NYNRIN: variants seen among roughly 807,000 people sequenced by gnomAD.
NYNRIN encodes the protein protein NYNRIN.
Under a neutral mutation model 146.6 loss-of-function variants are expected in NYNRIN, and 86 were observed. The observed-to-expected ratio is 0.59, with a 90% CI of 0.49 to 0.70. The LOEUF (loss-of-function observed/expected upper bound fraction) is 0.70, where lower values mean the gene tolerates loss of function less well. Among genes scored for constraint, NYNRIN ranks in the 30% least tolerant of loss-of-function variants. The pLI is 0.00. For synonymous variants in NYNRIN, 1,027 were observed against 1,001.3 expected, an observed-to-expected ratio of 1.03 and a Z score of -0.48; for missense variants, 2,191 against 2,377.7, an observed-to-expected ratio of 0.92 and a Z score of 1.63.
At chr14:24,413,818 G>A (rs556499216) in intron 8 of NYNRIN, among the ~76,000 whole-genome samples, 1 of 152,298 alleles carries the variant, frequency 6.6e-6, no homozygotes, top group South Asian at 2.1e-4. Flanking sequence ...ATGCTGTTGG[G>A]TCCGAGGCTG....
rs774825048 is a variant in NYNRIN, at chr14:24,410,061, C to T, written c.2267C>T (p.Pro756Leu). 3.0e-5 allele frequency: 48 copies of T among 1,613,832 alleles called. No individual in the cohort carries two copies. Among genetic ancestry groups the T allele is most frequent in the Non-Finnish European group, 3.9e-5 (46 of 1,179,904 alleles). Residue 756 changes from proline (P) to leucine (L), a missense_variant, in exon 4 of 9, where the codon CCT becomes CTT. By Grantham distance (98) the Pro-to-Leu change is moderately conservative. This residue lies in a region of NYNRIN where 895 missense variants were observed against 941.2 expected (regional missense o/e 0.95). Transcript: ENST00000382554. ...TGGGAGGGGGCCCCAAGGCAGCCAC[C>T]TCGCCACCTGCAAGCGAACAGCACA... ...GAWEGAPRQP[P>L]RHLQANSTVT...
At position 24,416,156 on chromosome 14, in the gene NYNRIN, C is replaced by T; in HGVS notation, c.4407C>T (p.Pro1469=). 6.2e-7 allele frequency: 1 copy of T among 1,613,872 alleles called. No individual in the cohort carries two copies. The highest frequency in any genetic ancestry group is 8.5e-7 in the Non-Finnish European group (1 of 1,179,776). Residue 1469 remains proline (P), a synonymous_variant, in exon 9 of 9, where the codon CCC becomes CCT. Coordinates refer to ENST00000382554, the MANE Select transcript of NYNRIN (RefSeq NM_025081.3). ...ATGTGCCAGCCCCTACAGTGAGTCC[C>T]CATGCCATGGGCAAGAGGCCCAATT... ...PKDVPAPTVS[P]HAMGKRPNLL... is the part of the protein sequence containing the mutation.
Position 24,415,064 on chromosome 14 carries a change from G to C in NYNRIN, c.3315G>C (p.Arg1105Ser). Residue 1105 changes from arginine (R) to serine (S), a missense_variant, in exon 9 of 9, where the codon AGG (arginine) becomes AGC (serine). By Grantham distance (110) the Arg-to-Ser change is moderately radical. Coordinates refer to ENST00000382554, the MANE Select transcript of NYNRIN (RefSeq NM_025081.3). Reference sequence around the variant, plus strand: ...TCATGGGCTTCATGGACTCCCACAGGGATGCCATCCCTGACTATGAAGCCC... The same window carrying C: ...TCATGGGCTTCATGGACTCCCACAGCGATGCCATCCCTGACTATGAAGCCC... ...SFFMGFMDSH[R>S]DAIPDYEALV... 1 of 1,612,774 alleles carries C rather than the reference G, an allele frequency of 6.2e-7. No homozygotes were observed.
intron 2 of NYNRIN, among the ~76,000 whole-genome samples, chr14:24,404,886 G>A (rs2042866767): frequency 6.6e-6 from 1 of 151,970 alleles, no homozygotes; most frequent in Admixed American, 6.6e-5. Context: ...ATGTTTTTTT[G>A]TGTGGTGCTC....
Position 24,415,850 on chromosome 14 carries a change from G to T in NYNRIN, c.4101G>T (p.Gln1367His). Reference protein sequence around the residue: ...AVACGLERFGQSPLPVVFLTH... With the variant: ...AVACGLERFGHSPLPVVFLTH... ...CCTGCGGCCTGGAGCGCTTTGGCCA[G>T]TCCCCACTCCCAGTGGTTTTCCTCA... Residue 1367 changes from glutamine to histidine, a missense_variant, in exon 9 of 9, where the codon CAG becomes CAT. Gln to His is a conservative substitution (Grantham distance 24, BLOSUM62 0). Transcript: ENST00000382554. The T allele has an allele frequency of 6.2e-7, 1 of 1,613,978 alleles. No individual in the cohort carries two copies. The highest frequency in any genetic ancestry group is 8.5e-7 in the Non-Finnish European group (1 of 1,179,894).
At chr14:24,401,188 AG>A (rs1408098490) in intron 2 of NYNRIN, among the ~76,000 whole-genome samples, 1 of 152,046 alleles carries the variant, frequency 6.6e-6, no homozygotes, top group African/African-American at 2.4e-5. Flanking sequence ...CTGCTGCTTC[AG>A]GGTTCTTCGG....
chr14:24,410,166 G>A lies in NYNRIN; in HGVS notation c.2372G>A (p.Gly791Glu). 1 of 1,611,918 alleles carries A rather than the reference G, an allele frequency of 6.2e-7. No homozygotes were observed. Among genetic ancestry groups the A allele is most frequent in the Non-Finnish European group, 8.5e-7 (1 of 1,178,602 alleles). Reference protein sequence around the residue: ...LNLSGEPGNQGLRRVVIDGSS... With the variant: ...LNLSGEPGNQELRRVVIDGSS... ...CTGTCAGGGGAACCTGGAAACCAGG[G>A]GTTGCGGCGAGTGGTCATCGATGGC... Residue 791 changes from glycine to glutamate, a missense_variant, in exon 4 of 9, where the codon GGG (glycine) becomes GAG (glutamate). Physicochemically the swap from Gly to Glu is moderately conservative, Grantham distance 98. Coordinates refer to ENST00000382554, the MANE Select transcript of NYNRIN (RefSeq NM_025081.3).
At chr14:24,400,990 T>C (rs2042838883) in intron 2 of NYNRIN, among the ~76,000 whole-genome samples, 1 of 152,208 alleles carries the variant, frequency 6.6e-6, no homozygotes, top group African/African-American at 2.4e-5. Context: ...GGTTTCACCA[T>C]GTTGGCCAGG....
Position 24,409,374 on chromosome 14 carries a change from G to A in NYNRIN, c.1580G>A (p.Gly527Glu), listed in dbSNP as rs1452634221. 6.2e-7 allele frequency: 1 copy of A among 1,614,022 alleles called. No homozygotes were observed. Among genetic ancestry groups the A allele is most frequent in the South Asian group, 1.1e-5 (1 of 91,088 alleles). ...PTGQGKPVAQ[G>E]GLTDQSVPGA... The stretch of plus-strand genomic sequence containing the variant: ...GGGCAAGGGAAGCCCGTGGCTCAAG[G>A]GGGGCTGACAGATCAGTCAGTACCT... Residue 527 changes from glycine (G) to glutamate (E), a missense_variant, in exon 4 of 9, where the codon GGG (glycine) becomes GAG (glutamate). Physicochemically the swap from Gly to Glu is moderately conservative, Grantham distance 98. Transcript: ENST00000382554.
intron 2 of NYNRIN, among the ~76,000 whole-genome samples, chr14:24,403,370 C>T (rs1302672219): frequency 1.6e-4 from 24 of 152,136 alleles, no homozygotes; most frequent in African/African-American, 4.8e-5. Context: ...TTTTTCTTGG[C>T]GCCGTCTCTC....
Position 24,415,852 on chromosome 14 carries a change from C to T in NYNRIN, c.4103C>T (p.Ser1368Phe), listed in dbSNP as rs2042941665. ...VACGLERFGQ[S>F]PLPVVFLTHC... ...TGCGGCCTGGAGCGCTTTGGCCAGTCCCCACTCCCAGTGGTTTTCCTCACT... is the reference window on the plus strand; with the variant it reads ...TGCGGCCTGGAGCGCTTTGGCCAGTTCCCACTCCCAGTGGTTTTCCTCACT... Residue 1368 changes from serine (S) to phenylalanine (F), a missense_variant, in exon 9 of 9, where the codon TCC becomes TTC. Ser to Phe is a radical substitution (Grantham distance 155). Transcript: ENST00000382554. The T allele has an allele frequency of 1.9e-6, 3 of 1,613,880 alleles. No individual in the cohort carries two copies. The highest frequency in any genetic ancestry group is 2.5e-6 in the Non-Finnish European group (3 of 1,179,902).
intron 2 of NYNRIN, among the ~76,000 whole-genome samples, chr14:24,401,133 C>G (rs528531319): frequency 6.6e-6 from 1 of 152,292 alleles, no homozygotes; most frequent in Non-Finnish European, 1.5e-5. Flanking sequence ...CCTCCTTGCT[C>G]AAATCCTGGA....
In NYNRIN at chr14:24,416,562, C is replaced by G; in HGVS notation, c.4813C>G (p.Pro1605Ala). ...IGSELKVIES[P>A]WPLRSTAPWS... ...CAGCGAGTTGAAGGTTATTGAGTCCCCATGGCCCCTCAGGTCGACCGCCCC... is the reference window on the plus strand; with the variant it reads ...CAGCGAGTTGAAGGTTATTGAGTCCGCATGGCCCCTCAGGTCGACCGCCCC... Residue 1605 changes from proline to alanine, a missense_variant, in exon 9 of 9, where the codon CCA (proline) becomes GCA (alanine). Physicochemically the swap from Pro to Ala is conservative, Grantham distance 27 (BLOSUM62 -1). Around this residue, in one of 3 missense-constraint regions of NYNRIN, gnomAD observed 1,291 missense variants for 1,417.0 expected, o/e 0.91. Transcript: ENST00000382554. The G allele has an allele frequency of 6.2e-7, 1 of 1,613,970 alleles. No homozygotes were observed. Among genetic ancestry groups the G allele is most frequent in the Non-Finnish European group, 8.5e-7 (1 of 1,179,888 alleles).
In NYNRIN at chr14:24,411,740, C is replaced by G. The variant is rs2042914246; in HGVS notation, c.2642+290C>G. ...TTCTTCCCCCATGACCTGTGAACAT[C>G]AGAGAGGTTCCCCAGGGTTTTGGGT... On this transcript the variant is annotated intron_variant, in intron 6 of 8. Transcript: ENST00000382554. This position sits in a 1 kb window ranked among gnomAD's most constrained non-coding sequence, Gnocchi z 4.3. 6.6e-6 allele frequency among the ~76,000 whole-genome samples: 1 copy of G among 152,210 alleles called. No homozygotes were observed. The highest frequency in any genetic ancestry group is 2.4e-5 in the African/African-American group (1 of 41,436).
In NYNRIN at chr14:24,408,924, T is replaced by C. The variant is rs1039650678; in HGVS notation, c.1130T>C (p.Leu377Pro). The C allele has an allele frequency of 3.1e-6, 5 of 1,614,016 alleles. No homozygotes were observed. The highest frequency in any genetic ancestry group is 4.2e-6 in the Non-Finnish European group (5 of 1,179,882). ...TFWRINELHS[L>P]HLAWLLSQAC... is the part of the protein sequence containing the mutation. Reference sequence around the variant, plus strand: ...TGGAGGATCAATGAGCTGCATTCTCTACATCTGGCCTGGCTCCTGTCCCAG... The same window carrying C: ...TGGAGGATCAATGAGCTGCATTCTCCACATCTGGCCTGGCTCCTGTCCCAG... The change falls in exon 4 of 9, where the codon CTA becomes CCA. Residue 377 changes from leucine to proline, a missense_variant. Around this residue, in one of 3 missense-constraint regions of NYNRIN, gnomAD observed 895 missense variants for 941.2 expected, o/e 0.95. Coordinates refer to ENST00000382554, the MANE Select transcript of NYNRIN (RefSeq NM_025081.3).
chr14:24,412,832 G>C (rs1391436634), intron 6 of NYNRIN, 165 bp from the exon 7 acceptor site: 8 of 550,300 alleles, frequency 1.5e-5, no homozygotes, highest in Non-Finnish European at 2.6e-5. Flanking sequence ...TCACATGGCT[G>C]CATAGAGAAG....
At chr14:24,412,285 G>A (rs113977704) in intron 6 of NYNRIN, among the ~76,000 whole-genome samples, 3 of 152,296 alleles carry the variant, frequency 2.0e-5, no homozygotes, top group East Asian at 1.9e-4. Flanking sequence ...TCCGCAGACC[G>A]TCCCTCTGCT....
rs755419891 is a variant in NYNRIN, at chr14:24,408,773, A to G, written c.979A>G (p.Lys327Glu). The change falls in exon 4 of 9, where the codon AAG becomes GAG. Residue 327 changes from lysine (K) to glutamate (E), a missense_variant. Physicochemically the swap from Lys to Glu is moderately conservative, Grantham distance 56. Coordinates refer to ENST00000382554, the MANE Select transcript of NYNRIN (RefSeq NM_025081.3). ...CTTGTTGAAGCAAAGGCAGGTCCAGAAGATAGAAGATAAACTCCTCTTCCA... is the reference window on the plus strand; with the variant it reads ...CTTGTTGAAGCAAAGGCAGGTCCAGGAGATAGAAGATAAACTCCTCTTCCA... ...QALLKQRQVQ[K>E]IEDKLLFQPP... is the part of the protein sequence containing the mutation. 14 of 1,613,978 alleles carry G rather than the reference A, an allele frequency of 8.7e-6. No homozygotes were observed. The East Asian group carries it at 2.7e-4, about 31-fold the overall frequency.
Position 24,417,407 on chromosome 14 carries a change from G to A in NYNRIN, c.5658G>A (p.Lys1886=), listed in dbSNP as rs1469510664. 1 of 1,548,330 alleles carries A rather than the reference G, an allele frequency of 6.5e-7. No individual in the cohort carries two copies. Among genetic ancestry groups the A allele is most frequent in the South Asian group, 1.2e-5 (1 of 83,022 alleles). Residue 1886 remains lysine (K), a synonymous_variant, in exon 9 of 9, where the codon AAG becomes AAA. Transcript: ENST00000382554. ...GCAGTCTGATGAAGGCCTTTGCCAA[G>A]AGTGGCACCCCGCTGTCCTTCAAGG... ...YPSSLMKAFA[K]SGTPLSFKVL...
Sources: gnomAD v4.1 joint callset for allele counts (sites outside exome capture counted in the v4.1 genomes callset) on GRCh38, gnomAD v4.1.1 for gene constraint, gnomAD v4.1.1 regional missense constraint, Gnocchi (gnomAD v3.1) non-coding constraint, MANE v1.5 for transcripts, NCBI Gene and HGNC (gene_info 2026-07-23, HGNC 2026-07-21) for gene names.